Variants in FLT1 observed in about 807,000 individuals in gnomAD.
The protein encoded by FLT1 is vascular endothelial growth factor receptor 1.
A neutral mutation model predicts 156.3 loss-of-function variants in FLT1; 49 were observed. That is an observed-to-expected ratio of 0.31 (90% CI 0.25 to 0.40). The LOEUF is 0.40. FLT1 is among the 10% of genes least tolerant of loss of function. FLT1 has a pLI of 1.00. For synonymous variants in FLT1, 594 were observed against 583.8 expected (o/e 1.02, Z -0.25); for missense variants, 1,322 against 1,637.2 (o/e 0.81, Z 3.32).
chr13:28,427,421 G>A lies in FLT1; in HGVS notation c.1277-103C>T, dbSNP rs922077931. ...ACATTCTCACTGGCTTTGATGTCAG[G>A]GAAACAAACAAGAAACAAAAAAACA... On this transcript the variant is annotated intron_variant, in intron 9 of 29. Transcript: ENST00000282397. 4.6e-6 allele frequency: 5 copies of A among 1,096,500 alleles called. No individual in the cohort carries two copies. The African/African-American group carries it at 6.2e-5, about 14-fold the overall frequency. 67.9% of individuals were successfully genotyped at this position (1,096,500 alleles called of 1,614,324 possible).
chr13:28,425,891 A>G (rs1877311136), intron 10 of FLT1, among the ~76,000 whole-genome samples: 1 of 152,196 alleles, frequency 6.6e-6, no homozygotes, highest in African/African-American at 2.4e-5. Flanking sequence ...TAAAGAAGAT[A>G]TTTAAGATTT....
At chr13:28,493,699 T>C (rs1593857222) in intron 1 of FLT1, among the ~76,000 whole-genome samples, 1 of 152,182 alleles carries the variant, frequency 6.6e-6, no homozygotes, top group Non-Finnish European at 1.5e-5. Context: ...GGCACAAATC[T>C]CCGCCACTCA....
At chr13:28,377,384 C>T (rs949100602) in intron 14 of FLT1, among the ~76,000 whole-genome samples, 1 of 149,316 alleles carries the variant, frequency 6.7e-6, no homozygotes, top group African/African-American at 2.4e-5. Context: ...ATCTTTTCAG[C>T]TATCCAATGT....
chr13:28,354,125 G>A (rs1291924473), intron 15 of FLT1, among the ~76,000 whole-genome samples: 1 of 152,164 alleles, frequency 6.6e-6, no homozygotes, highest in African/African-American at 2.4e-5. Flanking sequence ...AGCTACCAGG[G>A]TGGTAAGAAC....
intron 14 of FLT1, chr13:28,368,590 TGATGATGAC>T: frequency 6.7e-7 from 1 of 1,498,480 alleles, no homozygotes; most frequent in Non-Finnish European, 9.1e-7. Flanking sequence ...ATGATGATGA[TGATGATGAC>T]GATGATGATG....
Position 28,412,325 on chromosome 13 carries a change from C to CTT in FLT1, c.1437-6433_1437-6432dup, listed in dbSNP as rs754727352. Among the ~76,000 whole-genome samples the CTT allele has an allele frequency of 1.5e-4, 12 of 78,724 alleles. 1 individual carries two copies. Among genetic ancestry groups the CTT allele is most frequent in the African/African-American group, 2.4e-4 (6 of 24,846 alleles). 51.6% of individuals were successfully genotyped at this position (78,724 alleles called of 152,430 possible). On this transcript the variant is annotated intron_variant, in intron 10 of 29. Transcript: ENST00000282397. ...TCTCTTTCTCTTTCTTTCTTTCTTT[C>CTT]TTTCTTTTCTTTCTTTCTTTCTTTC...
At chr13:28,413,848 G>A (rs1276680306) in intron 10 of FLT1, among the ~76,000 whole-genome samples, 1 of 152,202 alleles carries the variant, frequency 6.6e-6, no homozygotes, top group Non-Finnish European at 1.5e-5. Context: ...AGATGTTAGA[G>A]CTAGTCAGAC....
intron 29 of FLT1, 36 bp from the exon 30 acceptor site, chr13:28,303,404 A>T (rs753614279): frequency 1.7e-5 from 27 of 1,594,552 alleles, no homozygotes; most frequent in Non-Finnish European, 2.1e-5. Flanking sequence ...AATATTCAAA[A>T]TTGGTTTTTT....
chr13:28,461,556 ATCC>A (rs1171853256), intron 3 of FLT1, among the ~76,000 whole-genome samples: 1 of 152,126 alleles, frequency 6.6e-6, no homozygotes, highest in Admixed American at 6.5e-5. Flanking sequence ...AGTTCATTGA[ATCC>A]TCCTCAGAAT....
intron 14 of FLT1, among the ~76,000 whole-genome samples, chr13:28,377,427 T>C (rs1873886269): frequency 6.9e-6 from 1 of 144,750 alleles, no homozygotes; most frequent in Middle Eastern, 3.2e-3. Context: ...GATTGAGCCA[T>C]AGAATTTTTC....
At chr13:28,430,263 A>G in intron 7 of FLT1, 96 bp from the exon 8 acceptor site, 1 of 823,796 alleles carries the variant, frequency 1.2e-6, no homozygotes, top group Admixed American at 1.9e-5. Context: ...CAATGAGTAA[A>G]TAAACAGAGC....
intron 15 of FLT1, among the ~76,000 whole-genome samples, chr13:28,350,075 A>G (rs1392678041): frequency 1.3e-5 from 2 of 152,158 alleles, no homozygotes; most frequent in Non-Finnish European, 1.5e-5. Flanking sequence ...CCCAGCTTCA[A>G]TTTGCTGGTG....
intron 3 of FLT1, among the ~76,000 whole-genome samples, chr13:28,450,129 GCACTGTGCA>G (rs1463307147): frequency 6.6e-5 from 10 of 152,184 alleles, no homozygotes; most frequent in African/African-American, 2.4e-4. Context: ...TATGTACCCA[GCACTGTGCA>G]CACGGACAGT....
At chr13:28,429,818 A>G (rs1365471073) in intron 8 of FLT1, among the ~76,000 whole-genome samples, 1 of 152,184 alleles carries the variant, frequency 6.6e-6, no homozygotes, top group East Asian at 1.9e-4. Context: ...AAGAGACTAG[A>G]CTGAAGCGAG....
chr13:28,438,133 A>T, intron 4 of FLT1, 88 bp downstream of exon 4: 1 of 1,377,464 alleles, frequency 7.3e-7, no homozygotes, highest in Non-Finnish European at 1.0e-6. Flanking sequence ...GTTTGTAAGG[A>T]AATTATTCCA....
chr13:28,473,462 T>A (rs1036568076), intron 1 of FLT1, among the ~76,000 whole-genome samples: 7 of 151,656 alleles, frequency 4.6e-5, no homozygotes, highest in African/African-American at 1.7e-4. Flanking sequence ...CTGGCCAACA[T>A]GGTGAAACCC....
intron 13 of FLT1, chr13:28,388,491 A>G (rs1193792179): frequency 9.6e-7 from 1 of 1,038,328 alleles, no homozygotes; most frequent in Non-Finnish European, 1.2e-6. Context: ...GTCACATATA[A>G]TGATCAATCA....
At chr13:28,310,710 TCAAAACAAAG>T (rs1870966817) in intron 27 of FLT1, among the ~76,000 whole-genome samples, 1 of 152,136 alleles carries the variant, frequency 6.6e-6, no homozygotes, top group African/African-American at 2.4e-5. Flanking sequence ...GTTTGTTAGG[TCAAAACAAAG>T]CAAAACAAAT....
intron 13 of FLT1, chr13:28,386,118 C>T: frequency 9.5e-7 from 1 of 1,053,070 alleles, no homozygotes; most frequent in East Asian, 5.4e-5. Context: ...TTTTCGATTT[C>T]CTCATCTTAG....
Sources: allele counts gnomAD v4.1 joint callset (sites outside exome capture counted in the v4.1 genomes callset), GRCh38; gene constraint gnomAD v4.1.1; transcripts MANE v1.5; gene names NCBI Gene and HGNC (gene_info 2026-07-23, HGNC 2026-07-21).